WWTR1: variants seen among roughly 807,000 people sequenced by gnomAD.
The protein encoded by WWTR1 is WW domain containing transcription regulator 1.
WWTR1 carries 13 observed loss-of-function variants against 40.1 expected under a neutral mutation model. That is an observed-to-expected ratio of 0.32 (90% CI 0.21 to 0.52). WWTR1 has a LOEUF of 0.52. WWTR1 is among the 20% of genes least tolerant of loss of function. The pLI is 0.97. For synonymous variants in WWTR1, 230 were observed against 210.1 expected (o/e 1.09, Z -0.82); for missense variants, 436 against 523.1 (o/e 0.83, Z 1.63).
chr3:149,704,535 T>A (rs1715281177), upstream of WWTR1, among the ~76,000 whole-genome samples: 1 of 152,200 alleles, frequency 6.6e-6, no homozygotes, highest in Admixed American at 6.5e-5. Flanking sequence ...AAGGCTTATA[T>A]AATGAAGCAC....
At chr3:149,630,890 T>G (rs1711525627) in intron 2 of WWTR1, among the ~76,000 whole-genome samples, 1 of 152,218 alleles carries the variant, frequency 6.6e-6, no homozygotes, top group Admixed American at 6.5e-5. Context: ...CCTTCCTTGT[T>G]TTTAAGCTCT....
intron 2 of WWTR1, among the ~76,000 whole-genome samples, chr3:149,578,626 G>C (rs369273726): frequency 6.6e-6 from 1 of 152,188 alleles, no homozygotes; most frequent in Admixed American, 6.5e-5. Context: ...TAATCAGGCC[G>C]GGCACAGTGG....
chr3:149,539,785 C>T (rs1224560449), intron 4 of WWTR1, among the ~76,000 whole-genome samples: 1 of 152,026 alleles, frequency 6.6e-6, no homozygotes, highest in Non-Finnish European at 1.5e-5. Flanking sequence ...AGCAGAAAAT[C>T]ACCAAAAGAG....
At chr3:149,679,957 T>G (rs1000531005) in intron 1 of WWTR1, among the ~76,000 whole-genome samples, 1 of 152,182 alleles carries the variant, frequency 6.6e-6, no homozygotes, top group African/African-American at 2.4e-5. Context: ...AGAACTGTAT[T>G]CTGACATCAT....
chr3:149,688,037 C>T (rs1313327914), intron 1 of WWTR1, among the ~76,000 whole-genome samples: 1 of 151,562 alleles, frequency 6.6e-6, no homozygotes, highest in East Asian at 2.0e-4. Flanking sequence ...AAAAGAGAGA[C>T]TTCTGCTTGA....
At chr3:149,699,718 T>G (rs776968694) in intron 1 of WWTR1, among the ~76,000 whole-genome samples, 1 of 152,184 alleles carries the variant, frequency 6.6e-6, no homozygotes, top group Non-Finnish European at 1.5e-5. Context: ...CCCATTTCCA[T>G]CTGAGACCTG....
In WWTR1 at chr3:149,674,280, T is replaced by A. The variant is rs1274694378; in HGVS notation, c.-107-4389A>T. Reference sequence around the variant, plus strand: ...CTGTCTTTCTCTATCTCTTTCTCTCTCACACACACACACGTAAAAATTGTA... The same window carrying A: ...CTGTCTTTCTCTATCTCTTTCTCTCACACACACACACACGTAAAAATTGTA... On this transcript the variant is annotated intron_variant, in intron 1 of 7. Coordinates refer to the WWTR1 transcript ENST00000465804. Among the ~76,000 whole-genome samples the A allele has an allele frequency of 2.0e-5, 3 of 151,428 alleles. No individual in the cohort carries two copies. In the East Asian group the frequency reaches 5.8e-4, roughly 29 times the overall value.
At chr3:149,589,741 C>T (rs1228753024) in intron 2 of WWTR1, among the ~76,000 whole-genome samples, 2 of 151,632 alleles carry the variant, frequency 1.3e-5, no homozygotes, top group African/African-American at 2.4e-5. Context: ...TGCAGAAGGC[C>T]TTACACACAG....
intron 5 of WWTR1, among the ~76,000 whole-genome samples, chr3:149,710,418 T>G (rs371362689): frequency 6.6e-6 from 1 of 152,156 alleles, no homozygotes; most frequent in African/African-American, 2.4e-5. Flanking sequence ...TGGTTTGCTA[T>G]TTACCAGTTT....
intron 1 of WWTR1, among the ~76,000 whole-genome samples, chr3:149,687,717 G>C (rs982371511): frequency 6.6e-6 from 1 of 152,174 alleles, no homozygotes; most frequent in African/African-American, 2.4e-5. Context: ...CTAGAAGAAA[G>C]GAGAGGGAAA....
chr3:149,555,096 A>G (rs1432022738), intron 3 of WWTR1, among the ~76,000 whole-genome samples: 2 of 152,216 alleles, frequency 1.3e-5, no homozygotes, highest in Non-Finnish European at 2.9e-5. Context: ...TTCCTGAATC[A>G]TTTTAAAACT....
At chr3:149,575,887 T>A in intron 2 of WWTR1, 1 of 441,450 alleles carries the variant, frequency 2.3e-6, no homozygotes, top group Non-Finnish European at 4.6e-6. Flanking sequence ...CTGACAGTTC[T>A]GACCGAGCTT....
intron 1 of WWTR1, among the ~76,000 whole-genome samples, chr3:149,676,787 T>C (rs1714274827): frequency 6.6e-6 from 1 of 152,040 alleles, no homozygotes; most frequent in African/African-American, 2.4e-5. Context: ...AGCAATGGGA[T>C]TGGCAGTGTG....
At chr3:149,557,026 C>T (rs1304557224) in intron 3 of WWTR1, among the ~76,000 whole-genome samples, 1 of 147,968 alleles carries the variant, frequency 6.8e-6, no homozygotes, top group Non-Finnish European at 1.5e-5. Context: ...AGAAAACTTC[C>T]CCATAAAACT....
chr3:149,628,043 A>T (rs1463786880), intron 2 of WWTR1, among the ~76,000 whole-genome samples: 1 of 146,182 alleles, frequency 6.8e-6, no homozygotes, highest in Non-Finnish European at 1.5e-5. Context: ...ATTGCGCTGT[A>T]GCCTGGGCAA....
rs34414853 is a variant in WWTR1 at position 149,568,523 on chromosome 3, C to CAAAAAAAAAAAAAAAAAA, written c.568+4323_568+4340dup. On this transcript the variant is annotated intron_variant, in intron 3 of 6. Coordinates refer to ENST00000360632, the MANE Select transcript of WWTR1 (RefSeq NM_015472.6). ...GGAGATGGCTATTTGAATTAAAGTG[C>CAAAAAAAAAAAAAAAAAA]AAAAAAAAAAAAAAAAAAAAAAAAA... Among the ~76,000 whole-genome samples, 8 of 64,800 alleles carry CAAAAAAAAAAAAAAAAAA rather than the reference C, an allele frequency of 1.2e-4. 2 individuals are homozygous for CAAAAAAAAAAAAAAAAAA. The highest frequency in any genetic ancestry group is 2.2e-4 in the Non-Finnish European group (7 of 31,612). 42.5% of individuals were successfully genotyped at this position (64,800 alleles called of 152,430 possible). A position where few individuals can be genotyped will look rare whatever the true frequency, so the allele number is the denominator to read the frequency against.
chr3:149,672,047 G>A (rs1479939326), intron 1 of WWTR1, among the ~76,000 whole-genome samples: 1 of 151,982 alleles, frequency 6.6e-6, no homozygotes, highest in Non-Finnish European at 1.5e-5. Flanking sequence ...CTGTCTCCTA[G>A]AAAAAGGGTT....
chr3:149,540,758 TAC>T (rs57129997), intron 4 of WWTR1, among the ~76,000 whole-genome samples: 39,615 of 151,782 alleles, frequency 0.26, 5,397 homozygotes, highest in East Asian at 0.35. Context: ...CAACTGTAGT[TAC>T]CTAATTATTA....
intron 3 of WWTR1, among the ~76,000 whole-genome samples, chr3:149,548,128 G>C (rs1736450347): frequency 1.3e-5 from 2 of 152,092 alleles, no homozygotes; most frequent in Admixed American, 6.5e-5. Flanking sequence ...TATACACTTG[G>C]TCATTTCTAC....
Sources: gnomAD v4.1 joint callset for allele counts (sites outside exome capture counted in the v4.1 genomes callset) on GRCh38, gnomAD v4.1.1 for gene constraint, MANE v1.5 for transcripts, NCBI Gene and HGNC (gene_info 2026-07-23, HGNC 2026-07-21) for gene names.